The following ZNF385B variants were observed in gnomAD, a reference collection of about 807,000 sequenced individuals.
ZNF385B encodes the protein zinc finger protein 533.
A neutral mutation model predicts 39.2 loss-of-function variants in ZNF385B; 23 were observed. That is an observed-to-expected ratio of 0.59 (90% confidence interval 0.42 to 0.83). The LOEUF is 0.83. ZNF385B is among the 40% of genes least tolerant of loss of function. The pLI is 0.00. For missense variants in ZNF385B, 552 were observed against 598.9 expected (o/e 0.92, Z 0.82); for synonymous variants, 205 against 222.6 (o/e 0.92, Z 0.70).
chr2:179,808,546 T>C (rs1181166791), intron 1 of ZNF385B, among the ~76,000 whole-genome samples: 1 of 152,216 alleles, frequency 6.6e-6, no homozygotes, highest in Non-Finnish European at 1.5e-5. Flanking sequence ...GGCAGGTGCA[T>C]GGTGGTAAGC....
chr2:179,490,605 A>T (rs1472613666), intron 5 of ZNF385B, among the ~76,000 whole-genome samples: 1 of 142,378 alleles, frequency 7.0e-6, no homozygotes, highest in Admixed American at 7.7e-5. Context: ...GTTAAAAATC[A>T]GCTGGAATAT....
chr2:179,511,278 C>T lies in ZNF385B; in HGVS notation c.552+7250G>A, dbSNP rs556863283. On this transcript the variant is annotated intron_variant, in intron 5 of 9. Transcript: ENST00000410066. Reference sequence around the variant, plus strand: ...GACTGCTGAGGTCTCTGCTGGGTGACAGAGAATGCCAGCGCCTCTAGCAGA... The same window carrying T: ...GACTGCTGAGGTCTCTGCTGGGTGATAGAGAATGCCAGCGCCTCTAGCAGA... 8.5e-4 allele frequency among the ~76,000 whole-genome samples: 129 copies of T among 152,250 alleles called. 1 individual carries two copies. The highest frequency in any genetic ancestry group is 2.8e-3 in the African/African-American group (115 of 41,540).
At chr2:179,696,334 T>TTTTTTTTTTTTTTTTTTTTTTTTTTTG (rs1226977805) in intron 3 of ZNF385B, among the ~76,000 whole-genome samples, 1 of 127,028 alleles carries the variant, frequency 7.9e-6, no homozygotes, top group Non-Finnish European at 1.7e-5. Flanking sequence ...GACTTTTTTT[T>TTTTTTTTTTTTTTTTTTTTTTTTTTTG]TTTTTTTTTT....
chr2:179,624,217 G>A (rs1690464746), intron 3 of ZNF385B, among the ~76,000 whole-genome samples: 1 of 151,894 alleles, frequency 6.6e-6, no homozygotes, highest in South Asian at 2.1e-4. Context: ...ACTTCCCCAA[G>A]TCCAACACCC....
chr2:179,776,868 G>A (rs1397914139), intron 1 of ZNF385B, among the ~76,000 whole-genome samples: 2 of 152,032 alleles, frequency 1.3e-5, no homozygotes, highest in Non-Finnish European at 2.9e-5. Flanking sequence ...AATATGATGG[G>A]CAAACAGGCT....
At chr2:179,701,605 T>C (rs1699206601) in intron 3 of ZNF385B, among the ~76,000 whole-genome samples, 1 of 152,226 alleles carries the variant, frequency 6.6e-6, no homozygotes, top group African/African-American at 2.4e-5. Context: ...GTCAGTATTA[T>C]TTTCCACACG....
intron 3 of ZNF385B, among the ~76,000 whole-genome samples, chr2:179,555,587 A>T (rs888662509): frequency 6.7e-6 from 1 of 149,614 alleles, no homozygotes; most frequent in Non-Finnish European, 1.5e-5. Flanking sequence ...ATATCTTCAA[A>T]TACTGTCAAG....
intron 4 of ZNF385B, among the ~76,000 whole-genome samples, chr2:179,542,772 A>C (rs1419041161): frequency 1.3e-5 from 2 of 152,158 alleles, no homozygotes; most frequent in Non-Finnish European, 2.9e-5. Flanking sequence ...AAAAACTGTG[A>C]CTGGGTACCT....
At chr2:179,700,698 G>A (rs575006315) in intron 3 of ZNF385B, among the ~76,000 whole-genome samples, 35 of 152,258 alleles carry the variant, frequency 2.3e-4, no homozygotes, top group East Asian at 1.7e-3. Flanking sequence ...AGTAAATCAT[G>A]AGTGCCATTT....
intron 5 of ZNF385B, among the ~76,000 whole-genome samples, chr2:179,513,307 G>GT (rs1325241869): frequency 6.6e-6 from 1 of 152,204 alleles, no homozygotes; most frequent in Non-Finnish European, 1.5e-5. Context: ...CTGAGAACAA[G>GT]TACATGTCAC....
At chr2:179,681,818 C>T (rs1011069436) in intron 3 of ZNF385B, among the ~76,000 whole-genome samples, 32 of 152,256 alleles carry the variant, frequency 2.1e-4, no homozygotes, top group African/African-American at 7.0e-4. Context: ...TATGGAAGAA[C>T]GTTTGGCCAG....
At chr2:179,746,408 T>C (rs1702385879) in intron 3 of ZNF385B, among the ~76,000 whole-genome samples, 1 of 152,140 alleles carries the variant, frequency 6.6e-6, no homozygotes, top group Non-Finnish European at 1.5e-5. Flanking sequence ...AATAATTCCA[T>C]ATATTTGACA....
chr2:179,846,057 T>G (rs1359246651), intron 1 of ZNF385B, among the ~76,000 whole-genome samples: 1 of 152,244 alleles, frequency 6.6e-6, no homozygotes, highest in African/African-American at 2.4e-5. Flanking sequence ...TGGTTGGCTA[T>G]GGAAAGTCAT....
intron 1 of ZNF385B, among the ~76,000 whole-genome samples, chr2:179,807,264 T>C (rs960666732): frequency 1.3e-5 from 2 of 152,228 alleles, no homozygotes; most frequent in Admixed American, 6.5e-5. Context: ...AGCTGTATCA[T>C]AGATAAATCC....
rs563635327 is a variant in ZNF385B at position 179,496,918 on chromosome 2, G to A, written c.553-13484C>T. 2.6e-5 allele frequency among the ~76,000 whole-genome samples: 4 copies of A among 152,252 alleles called. No individual in the cohort carries two copies. In the South Asian group the frequency reaches 8.3e-4, roughly 32 times the overall value. ...ACAAAAATCAGCTGGGTGTGGTGAT[G>A]CAAATCTGTAATCCCAGCTACTTGA... is the stretch of plus-strand genomic sequence containing the variant. On this transcript the variant is annotated intron_variant, in intron 5 of 9. Coordinates refer to ENST00000410066, the MANE Select transcript of ZNF385B (RefSeq NM_152520.6).
At chr2:179,649,927 T>C (rs1693057407) in intron 3 of ZNF385B, among the ~76,000 whole-genome samples, 1 of 152,252 alleles carries the variant, frequency 6.6e-6, no homozygotes, top group Non-Finnish European at 1.5e-5. Context: ...AACATAATTC[T>C]AATCATAAGA....
intron 5 of ZNF385B, among the ~76,000 whole-genome samples, chr2:179,492,347 C>T (rs966968466): frequency 6.6e-6 from 1 of 152,134 alleles, no homozygotes; most frequent in Non-Finnish European, 1.5e-5. Flanking sequence ...CAAGTTTATG[C>T]ATTAAAGCTG....
chr2:179,599,830 T>A (rs17767681), intron 3 of ZNF385B, among the ~76,000 whole-genome samples: 1 of 151,984 alleles, frequency 6.6e-6, no homozygotes, highest in South Asian at 2.1e-4. Flanking sequence ...TAGTAAAAAA[T>A]AGAATATGGA....
At chr2:179,578,238 T>C (rs1355094751) in intron 3 of ZNF385B, among the ~76,000 whole-genome samples, 6 of 152,142 alleles carry the variant, frequency 3.9e-5, no homozygotes, top group African/African-American at 1.4e-4. Flanking sequence ...CCAGTGCCTG[T>C]GTTCATTCTA....
Sources: allele counts gnomAD v4.1 joint callset (sites outside exome capture counted in the v4.1 genomes callset), GRCh38; gene constraint gnomAD v4.1.1; transcripts MANE v1.5; gene names NCBI Gene and HGNC (gene_info 2026-07-23, HGNC 2026-07-21).